FRMPD4: variants seen among roughly 807,000 people sequenced by gnomAD.
FRMPD4 encodes FERM and PDZ domain-containing protein 4.
A neutral mutation model predicts 94.1 loss-of-function variants in FRMPD4; 22 were observed. The ratio of observed to expected loss-of-function variants is 0.23; its 90% CI spans 0.17 to 0.33. The LOEUF (loss-of-function observed/expected upper bound fraction) is 0.33, where lower values mean the gene tolerates loss of function less well. Among genes scored for constraint, FRMPD4 ranks in the 10% least tolerant of loss-of-function variants. The pLI is 1.00. For synonymous variants in FRMPD4, 631 were observed against 548.6 expected, an observed-to-expected ratio of 1.15 and a Z score of -2.10; for missense variants, 1,111 against 1,339.9, an observed-to-expected ratio of 0.83 and a Z score of 2.67.
intron 1 of FRMPD4, among the ~76,000 whole-genome samples, chrX:12,384,988 C>T (rs1469085511): frequency 1.8e-5 from 2 of 112,295 alleles, no homozygotes; most frequent in African/African-American, 6.5e-5. Flanking sequence ...AAGCAGCAGG[C>T]CTGCTTAGAT....
intron 2 of FRMPD4, among the ~76,000 whole-genome samples, chrX:12,504,765 A>G (rs2057962002): frequency 8.9e-6 from 1 of 112,394 alleles, no homozygotes; most frequent in Non-Finnish European, 1.9e-5. Flanking sequence ...GAGCTGTGCT[A>G]GGCAAACTTC....
Position 12,720,556 on chromosome X carries a change from G to C in FRMPD4, c.3987G>C (p.Glu1329Asp). 2.5e-6 allele frequency: 3 copies of C among 1,205,311 alleles called. No homozygotes were observed. Among genetic ancestry groups the C allele is most frequent in the Non-Finnish European group, 3.4e-6 (3 of 890,419 alleles). Residue 1329 changes from glutamate (E) to aspartate (D), a missense_variant, in exon 17 of 17, where the codon GAG (glutamate) becomes GAC (aspartate). By Grantham distance (45) the Glu-to-Asp change is conservative. Coordinates refer to ENST00000675598, the MANE Select transcript of FRMPD4 (RefSeq NM_001368397.1). ...TAGCTTTGACAGAGCCTGGGAAGGA[G>C]AGACGAGGAGGCATGCCTTCAGCTT... is the stretch of plus-strand genomic sequence containing the variant. ...ETTALTEPGK[E>D]RRGGMPSAWS... is the part of the protein sequence containing the mutation.
intron 1 of FRMPD4, among the ~76,000 whole-genome samples, chrX:12,305,875 T>G (rs1303681979): frequency 9.3e-6 from 1 of 107,615 alleles, no homozygotes; most frequent in Non-Finnish European, 1.9e-5. Flanking sequence ...CTTCCATAAT[T>G]GTTTTTAGAT....
chrX:11,858,043 G>C (rs189264052), intron 1 of FRMPD4, among the ~76,000 whole-genome samples: 8 of 111,413 alleles, frequency 7.2e-5, no homozygotes, highest in Admixed American at 9.5e-5. Context: ...TTATTAAAAA[G>C]CCAAAAAATA....
Position 11,856,089 on chromosome X carries a change from A to G in FRMPD4, c.-160-8997A>G, listed in dbSNP as rs759096298. 1.2e-4 allele frequency among the ~76,000 whole-genome samples: 13 copies of G among 111,809 alleles called. No individual in the cohort carries two copies. The South Asian group carries it at 4.9e-3, about 42-fold the overall frequency. ...TCTTCACAGGGTGGCAGGGGAGATA[A>G]TGAGTGCCCAGTGAAAGGGGAAGCC... On this transcript the variant is annotated intron_variant, in intron 1 of 18. Transcript: ENST00000640291.
At chrX:12,598,059 T>TAAGTG (rs3066499) in intron 2 of FRMPD4, among the ~76,000 whole-genome samples, 1 of 111,942 alleles carries the variant, frequency 8.9e-6, no homozygotes, top group Non-Finnish European at 1.9e-5. Context: ...GGTGTATATA[T>TAAGTG]TAGTTGGTAT....
intron 3 of FRMPD4, among the ~76,000 whole-genome samples, chrX:12,054,585 CCT>C (rs1352482857): frequency 9.0e-6 from 1 of 111,616 alleles, no homozygotes; most frequent in Non-Finnish European, 1.9e-5. Flanking sequence ...TAAGCCTTTG[CCT>C]CTTCTCTCTA....
intron 1 of FRMPD4, among the ~76,000 whole-genome samples, chrX:12,291,192 G>T (rs1197824605): frequency 1.8e-5 from 2 of 112,171 alleles, no homozygotes; most frequent in Admixed American, 9.4e-5. Context: ...AAGTCCAAAG[G>T]CCAGTTTTTG....
chrX:12,329,268 A>G (rs1236939646), intron 1 of FRMPD4, among the ~76,000 whole-genome samples: 1 of 111,614 alleles, frequency 9.0e-6, no homozygotes, highest in Admixed American at 9.6e-5. Flanking sequence ...CAGCCAAACA[A>G]GGTAGGTCAG....
chrX:12,277,451 G>T (rs1034445214), intron 1 of FRMPD4, among the ~76,000 whole-genome samples: 3 of 112,097 alleles, frequency 2.7e-5, no homozygotes, highest in Non-Finnish European at 5.6e-5. Context: ...AGACAAACAG[G>T]CTTGGGCTAG....
rs1486390763 is a variant in FRMPD4, at chrX:12,520,719, C to G, written c.158+21923C>G. 3.6e-5 allele frequency among the ~76,000 whole-genome samples: 4 copies of G among 111,759 alleles called. No homozygotes were observed. In the Admixed American group the frequency reaches 3.8e-4, roughly 11 times the overall value. Reference sequence around the variant, plus strand: ...TCAGAAGAGAAAGAGAACCTGTGTCCCAGCATTCTCAGAATCAGCCATGCT... The same window carrying G: ...TCAGAAGAGAAAGAGAACCTGTGTCGCAGCATTCTCAGAATCAGCCATGCT... On this transcript the variant is annotated intron_variant, in intron 2 of 16. Coordinates refer to ENST00000675598, the MANE Select transcript of FRMPD4 (RefSeq NM_001368397.1).
intron 2 of FRMPD4, among the ~76,000 whole-genome samples, chrX:12,513,594 G>C (rs1319927122): frequency 8.9e-6 from 1 of 111,959 alleles, no homozygotes; most frequent in Non-Finnish European, 1.9e-5. Context: ...TTTTCTACCA[G>C]TACCATGCTG....
chrX:11,982,559 C>G (rs1324146713), intron 3 of FRMPD4, among the ~76,000 whole-genome samples: 1 of 111,364 alleles, frequency 9.0e-6, no homozygotes, highest in African/African-American at 3.3e-5. Context: ...ATAAAACCAT[C>G]TTGCATTATC....
chrX:12,417,137 C>G (rs1432023498), intron 1 of FRMPD4, among the ~76,000 whole-genome samples: 1 of 111,494 alleles, frequency 9.0e-6, no homozygotes. Flanking sequence ...CTTTATACAT[C>G]TGCCATCCCA....
chrX:11,996,654 C>G (rs2054497646), intron 3 of FRMPD4, among the ~76,000 whole-genome samples: 1 of 112,064 alleles, frequency 8.9e-6, no homozygotes, highest in Non-Finnish European at 1.9e-5. Flanking sequence ...TGTCTTTTTT[C>G]AGTCAATATG....
chrX:12,639,401 C>T (rs1187948481), intron 4 of FRMPD4, among the ~76,000 whole-genome samples: 4 of 112,139 alleles, frequency 3.6e-5, no homozygotes, highest in African/African-American at 1.3e-4. Flanking sequence ...TTTTCACAAG[C>T]TTAGGTAAAA....
At chrX:12,238,803 A>G (rs1393237814) in intron 1 of FRMPD4, among the ~76,000 whole-genome samples, 1 of 112,403 alleles carries the variant, frequency 8.9e-6, no homozygotes, top group African/African-American at 3.2e-5. Flanking sequence ...TTATTAGTTA[A>G]TCCTTTTTAC....
At chrX:12,403,855 G>A (rs781716200) in intron 1 of FRMPD4, among the ~76,000 whole-genome samples, 1 of 111,466 alleles carries the variant, frequency 9.0e-6, no homozygotes, top group African/African-American at 3.3e-5. Context: ...GTTGGTTCAT[G>A]ACTTTGGCCC....
At chrX:12,238,304 A>G (rs1026451458) in intron 1 of FRMPD4, among the ~76,000 whole-genome samples, 2 of 110,304 alleles carry the variant, frequency 1.8e-5, no homozygotes, top group Admixed American at 9.7e-5. Context: ...TTGTATTTTT[A>G]GTAGAGATGG....
Sources: allele counts gnomAD v4.1 joint callset (sites outside exome capture counted in the v4.1 genomes callset), GRCh38; gene constraint gnomAD v4.1.1; transcripts MANE v1.5; gene names NCBI Gene and HGNC (gene_info 2026-07-23, HGNC 2026-07-21).